The following MEGF11 variants were observed in gnomAD, a reference collection of about 807,000 sequenced individuals.
MEGF11 encodes multiple epidermal growth factor-like domains protein 11.
In MEGF11, 126 loss-of-function variants were observed where a neutral mutation model predicts 146.6. That is an observed-to-expected ratio of 0.86 (90% CI 0.74 to 1.00). The LOEUF is 1.00. Ranked by LOEUF, MEGF11 falls within the 50% of genes least tolerant of loss-of-function variation. MEGF11 has a pLI of 0.00. For synonymous variants in MEGF11, 532 were observed against 583.4 expected (o/e 0.91, Z 1.27); for missense variants, 1,509 against 1,521.2 (o/e 0.99, Z 0.13).
intron 23 of MEGF11, 55 bp downstream of exon 23, chr15:65,908,979 C>T (rs964837085): frequency 9.8e-6 from 11 of 1,119,870 alleles, no homozygotes; most frequent in Middle Eastern, 2.3e-4. Context: ...GGGATTAGGG[C>T]AGGTGCTGGG....
chr15:66,192,121 A>T (rs79776501), intron 1 of MEGF11, among the ~76,000 whole-genome samples: 1 of 151,688 alleles, frequency 6.6e-6, no homozygotes, highest in Non-Finnish European at 1.5e-5. Context: ...CTACTAAATA[A>T]ATGGTAGTTC....
intron 1 of MEGF11, among the ~76,000 whole-genome samples, chr15:66,210,068 C>A (rs1323215474): frequency 1.3e-5 from 2 of 152,138 alleles, no homozygotes; most frequent in African/African-American, 4.8e-5. Flanking sequence ...TCAAGCGATC[C>A]TTCTGCCTCA....
chr15:66,252,400 C>T (rs976758146), intron 1 of MEGF11, among the ~76,000 whole-genome samples: 1 of 152,238 alleles, frequency 6.6e-6, no homozygotes. Context: ...GTTCTCTCGG[C>T]TCTTGGAGGG....
intron 1 of MEGF11, among the ~76,000 whole-genome samples, chr15:66,207,603 C>A (rs185951372): frequency 5.9e-5 from 9 of 152,102 alleles, no homozygotes; most frequent in Admixed American, 1.3e-4. Context: ...CTTGAATCCA[C>A]GTAAAAAATA....
chr15:66,114,540 A>C (rs550903380), intron 4 of MEGF11, among the ~76,000 whole-genome samples: 1 of 152,372 alleles, frequency 6.6e-6, no homozygotes, highest in African/African-American at 2.4e-5. Flanking sequence ...AAAATGCCTC[A>C]AACTCTACTA....
chr15:65,980,696 C>G (rs2081606058), intron 7 of MEGF11, 82 bp downstream of exon 7: 1 of 1,451,560 alleles, frequency 6.9e-7, no homozygotes, highest in South Asian at 1.5e-5. Context: ...CCATGCCCGG[C>G]TAGTTTAGCC....
intron 24 of MEGF11, among the ~76,000 whole-genome samples, chr15:65,899,185 C>G (rs1188896858): frequency 2.0e-5 from 3 of 152,134 alleles, no homozygotes; most frequent in Non-Finnish European, 4.4e-5. Context: ...GGTATTAATT[C>G]AAGATATGCA....
In MEGF11 at chr15:65,965,042, A is replaced by C. The variant is rs747113330; in HGVS notation, c.978T>G (p.Cys326Trp). The C allele has an allele frequency of 8.8e-6, 14 of 1,589,284 alleles. No homozygotes were observed. The highest frequency in any genetic ancestry group is 1.2e-5 in the Non-Finnish European group (14 of 1,167,670). ...ACTCGCAGGCACCCGTGGTGGGTGA[A>C]CACTGCCCCCCATTGTGGCAGTCAC... ...QHCDCHNGGQ[C>W]SPTTGACECE... The change falls in exon 9 of 26, where the codon TGT becomes TGG. Residue 326 changes from cysteine (C) to tryptophan (W), a missense_variant. Physicochemically the swap from Cys to Trp is radical, Grantham distance 215. Transcript: ENST00000395614.
chr15:66,055,457 G>C (rs1310380972), intron 5 of MEGF11, among the ~76,000 whole-genome samples: 5 of 152,236 alleles, frequency 3.3e-5, no homozygotes. Flanking sequence ...ATTCAGACGT[G>C]ATCCACAACA....
intron 5 of MEGF11, among the ~76,000 whole-genome samples, chr15:66,063,819 G>C (rs1441138690): frequency 6.6e-6 from 1 of 152,216 alleles, no homozygotes; most frequent in East Asian, 1.9e-4. Flanking sequence ...ACAAATATTT[G>C]TTAAGAACCC....
chr15:66,240,952 C>T (rs1242930385), intron 1 of MEGF11, among the ~76,000 whole-genome samples: 2 of 152,174 alleles, frequency 1.3e-5, no homozygotes, highest in African/African-American at 2.4e-5. Context: ...TCCTTTGTTT[C>T]CTATAAGGCC....
At chr15:66,196,007 G>A (rs2091000438) in intron 1 of MEGF11, among the ~76,000 whole-genome samples, 1 of 152,216 alleles carries the variant, frequency 6.6e-6, no homozygotes, top group African/African-American at 2.4e-5. Flanking sequence ...GTAAGTGGCA[G>A]GAAGAGCTTT....
intron 5 of MEGF11, among the ~76,000 whole-genome samples, chr15:65,991,590 A>C (rs1482305309): frequency 6.6e-6 from 1 of 152,242 alleles, no homozygotes; most frequent in African/African-American, 2.4e-5. Flanking sequence ...CAATTGTGGC[A>C]ATCAAAAGTG....
At chr15:65,923,227 G>A (rs1001864592) in intron 13 of MEGF11, among the ~76,000 whole-genome samples, 2 of 152,204 alleles carry the variant, frequency 1.3e-5, no homozygotes, top group African/African-American at 4.8e-5. Context: ...GCAGGAGAAA[G>A]AATCATGTCT....
At chr15:66,121,967 T>C (rs1280079592) in intron 3 of MEGF11, among the ~76,000 whole-genome samples, 1 of 152,160 alleles carries the variant, frequency 6.6e-6, no homozygotes, top group Admixed American at 6.5e-5. Flanking sequence ...TTACTAGGCA[T>C]ATAAAGAAAC....
intron 5 of MEGF11, among the ~76,000 whole-genome samples, chr15:66,082,672 C>CAAAAAAAAAA (rs71139462): frequency 0.012 from 452 of 39,064 alleles, 88 homozygotes; most frequent in Middle Eastern, 0.033. Flanking sequence ...GACTCTGTCT[C>CAAAAAAAAAA]AAAAAAAAAA....
At chr15:65,938,487 T>C (rs1232862315) in intron 10 of MEGF11, among the ~76,000 whole-genome samples, 1 of 152,196 alleles carries the variant, frequency 6.6e-6, no homozygotes, top group Non-Finnish European at 1.5e-5. Flanking sequence ...CTAGATGCTC[T>C]GACCCTTTCT....
chr15:66,105,141 A>G (rs996769483), intron 4 of MEGF11, among the ~76,000 whole-genome samples: 2 of 152,132 alleles, frequency 1.3e-5, no homozygotes, highest in Non-Finnish European at 2.9e-5. Context: ...AACGGGGAGC[A>G]AAGGAGAAGC....
intron 10 of MEGF11, among the ~76,000 whole-genome samples, chr15:65,944,067 C>T (rs993830366): frequency 2.0e-5 from 3 of 152,172 alleles, no homozygotes; most frequent in Non-Finnish European, 4.4e-5. Flanking sequence ...GGGGATGCTT[C>T]TAAACTATCT....
Sources: gnomAD v4.1 joint callset for allele counts (sites outside exome capture counted in the v4.1 genomes callset) on GRCh38, gnomAD v4.1.1 for gene constraint, MANE v1.5 for transcripts, NCBI Gene and HGNC (gene_info 2026-07-23, HGNC 2026-07-21) for gene names.